The following USP24 variants were observed in gnomAD, a reference collection of about 807,000 sequenced individuals.
USP24 encodes the protein ubiquitin carboxyl-terminal hydrolase 24.
In USP24, 97 loss-of-function variants were observed where a neutral mutation model predicts 361.6. The observed-to-expected ratio is 0.27, with a 90% CI of 0.23 to 0.32. The LOEUF (loss-of-function observed/expected upper bound fraction) is 0.32, where lower values mean the gene tolerates loss of function less well. Ranked by LOEUF, USP24 falls within the 10% of genes least tolerant of loss-of-function variation. The pLI, the probability that USP24 is intolerant of heterozygous loss-of-function variation, is 1.00. For synonymous variants in USP24, 1,098 were observed against 1,124.6 expected (o/e 0.98, Z 0.47); for missense variants, 2,353 against 3,165.6 (o/e 0.74, Z 6.16).
At chr1:55,106,971 A>G (rs1645791360) in intron 40 of USP24, among the ~76,000 whole-genome samples, 1 of 152,200 alleles carries the variant, frequency 6.6e-6, no homozygotes, top group Non-Finnish European at 1.5e-5. Context: ...AGAAAAATCT[A>G]CTTTGAATTA....
chr1:55,079,459 G>A, intron 60 of USP24, 79 bp downstream of exon 60: 1 of 1,513,258 alleles, frequency 6.6e-7, no homozygotes, highest in Non-Finnish European at 8.8e-7. Context: ...TACTCTTCAT[G>A]CCAAACATAA....
At chr1:55,104,158 A>G (rs1645712933) in intron 41 of USP24, 138 bp from the exon 42 acceptor site, 1 of 975,784 alleles carries the variant, frequency 1.0e-6, no homozygotes, top group Non-Finnish European at 1.5e-6. Flanking sequence ...AACCCCAGAC[A>G]TCCAGTAATC....
At chr1:55,204,142 G>A (rs1014388456) in intron 1 of USP24, among the ~76,000 whole-genome samples, 1 of 152,096 alleles carries the variant, frequency 6.6e-6, no homozygotes, top group Non-Finnish European at 1.5e-5. Flanking sequence ...TGTTATTGAT[G>A]CTGGACAGGT....
At chr1:55,212,003 G>A (rs1422197026) in intron 1 of USP24, among the ~76,000 whole-genome samples, 1 of 151,916 alleles carries the variant, frequency 6.6e-6, no homozygotes, top group Non-Finnish European at 1.5e-5. Context: ...CCATTACTGT[G>A]TCCCATTCCT....
chr1:55,111,097 T>C (rs952486997), intron 38 of USP24, among the ~76,000 whole-genome samples: 1 of 152,088 alleles, frequency 6.6e-6, no homozygotes. Context: ...GGTGTATAGT[T>C]GGTCCATGGT....
rs1380744479 is a variant in USP24 at position 55,172,312 on chromosome 1, CAG to C, written c.702+63_702+64del. The C allele has an allele frequency of 3.6e-6, 5 of 1,384,734 alleles. No homozygotes were observed. The Admixed American group carries it at 1.0e-4, about 29-fold the overall frequency. The allele number at this position is 1,384,734 out of a possible 1,614,324, so 85.8% of individuals were successfully genotyped here. On this transcript the variant is annotated intron_variant, in intron 4 of 67. Coordinates refer to ENST00000294383, the MANE Select transcript of USP24 (RefSeq NM_015306.3). ...TTATCACTCATTATTAATTACAAGTCAGAGAACAGCAAGTATTTTAAACAAAA... is the reference window on the plus strand; with the variant it reads ...TTATCACTCATTATTAATTACAAGTCAGAACAGCAAGTATTTTAAACAAAA...
In USP24 at chr1:55,178,118, A is replaced by G; in HGVS notation, c.339T>C (p.Asn113=). 1 of 1,550,820 alleles carries G rather than the reference A, an allele frequency of 6.4e-7. No homozygotes were observed. The highest frequency in any genetic ancestry group is 8.7e-7 in the Non-Finnish European group (1 of 1,146,748). ...EVVDAEKNDE[N]GNCSGEGIEF... ...CAATTCCTTCCCCTGAGCAGTTTCC[A>G]TTCTCATCATTCTTCTGACGAAAAG... The change falls in exon 2 of 68, where the codon AAT becomes AAC. Residue 113 remains asparagine (N), a synonymous_variant. Coordinates refer to ENST00000294383, the MANE Select transcript of USP24 (RefSeq NM_015306.3).
Position 55,068,925 on chromosome 1 carries a change from TC to T in USP24, c.*119del, listed in dbSNP as rs1303707023. The T allele has an allele frequency of 4.6e-6, 5 of 1,084,562 alleles. No individual in the cohort carries two copies. Among genetic ancestry groups the T allele is most frequent in the Non-Finnish European group, 6.9e-6 (5 of 724,558 alleles). 67.2% of individuals were successfully genotyped at this position (1,084,562 alleles called of 1,614,324 possible). A position where few individuals can be genotyped will look rare whatever the true frequency, so the allele number is the denominator to read the frequency against. The stretch of plus-strand genomic sequence containing the variant: ...TTGAGAAATACACGATCCGCCCAAG[TC>T]ACAGCAGCTTTCCCAGTCCAATCTC... On this transcript the variant is annotated 3_prime_UTR_variant, in exon 68 of 68. Transcript: ENST00000294383.
chr1:55,212,046 G>A (rs897093584), intron 1 of USP24, among the ~76,000 whole-genome samples: 11 of 152,124 alleles, frequency 7.2e-5, no homozygotes, highest in Non-Finnish European at 1.0e-4. Flanking sequence ...AAAGAGTGCA[G>A]GACTTCAAGC....
At chr1:55,074,384 T>C (rs759935461) in intron 63 of USP24, among the ~76,000 whole-genome samples, 4 of 152,072 alleles carry the variant, frequency 2.6e-5, no homozygotes, top group Non-Finnish European at 5.9e-5. Context: ...CTGTAATCCC[T>C]GCACTTTGGG....
chr1:55,214,932 C>T lies in USP24; in HGVS notation c.182G>A (p.Gly61Asp). ...GCCCCCGCCGGGCCCGGGGCTGGGG[C>T]CACCGCCGCTGTCCATGGGCTCGTA... The part of the protein sequence containing the change: ...GGYEPMDSGG[G>D]PSPGPGGGPR... Residue 61 changes from glycine (G) to aspartate (D), a missense_variant, in exon 1 of 68, where the codon GGC becomes GAC. Transcript: ENST00000294383. 1.5e-6 allele frequency: 2 copies of T among 1,371,358 alleles called. No homozygotes were observed. The highest frequency in any genetic ancestry group is 1.5e-5 in the African/African-American group (1 of 66,580). 84.9% of individuals were successfully genotyped at this position (1,371,358 alleles called of 1,614,324 possible). A position where few individuals can be genotyped will look rare whatever the true frequency, so the allele number is the denominator to read the frequency against.
chr1:55,164,790 G>A (rs771007093), intron 7 of USP24, among the ~76,000 whole-genome samples: 5 of 151,840 alleles, frequency 3.3e-5, no homozygotes, highest in Admixed American at 6.6e-5. Flanking sequence ...TAGAAATTTG[G>A]GAGTGCTCTG....
chr1:55,161,231 G>A (rs1375299931), intron 8 of USP24, among the ~76,000 whole-genome samples: 1 of 151,904 alleles, frequency 6.6e-6, no homozygotes, highest in Non-Finnish European at 1.5e-5. Context: ...AATTAGCCGG[G>A]CATGGTGGCA....
At position 55,097,825 on chromosome 1, in the gene USP24, T is replaced by G. The variant is rs1479073878; in HGVS notation, c.5596-108A>C. On this transcript the variant is annotated intron_variant, in intron 47 of 67. Coordinates refer to ENST00000294383, the MANE Select transcript of USP24 (RefSeq NM_015306.3). ...CCTTTCTGATCCATGTGAAAACAAG[T>G]AATGACACAATCTAATGGAAATAAC... is the stretch of plus-strand genomic sequence containing the variant. 6 of 1,507,384 alleles carry G rather than the reference T, an allele frequency of 4.0e-6. No individual in the cohort carries two copies. In the East Asian group the frequency reaches 1.4e-4, roughly 34 times the overall value. The allele number at this position is 1,507,384 out of a possible 1,614,324, so 93.4% of individuals were successfully genotyped here.
At position 55,167,747 on chromosome 1, in the gene USP24, T is replaced by C. The variant is rs139200173; in HGVS notation, c.826-1144A>G. On this transcript the variant is annotated intron_variant, in intron 5 of 67. Coordinates refer to ENST00000294383, the MANE Select transcript of USP24 (RefSeq NM_015306.3). ...ATTAAATCAAAGGACTTGTTTATGG[T>C]TTGGTTATTCTTTATTCAAGGAATG... Among the ~76,000 whole-genome samples, 1,006 of 152,100 alleles carry C rather than the reference T, an allele frequency of 6.6e-3. 14 individuals are homozygous for C. Among genetic ancestry groups the C allele is most frequent in the African/African-American group, 0.023 (954 of 41,476 alleles).
intron 38 of USP24, among the ~76,000 whole-genome samples, chr1:55,119,225 T>C (rs1336395607): frequency 6.6e-6 from 1 of 152,224 alleles, no homozygotes; most frequent in Non-Finnish European, 1.5e-5. Context: ...CAATGATATA[T>C]AATTCAGCCC....
intron 4 of USP24, 34 bp from the exon 5 acceptor site, chr1:55,171,712 C>G: frequency 2.5e-6 from 4 of 1,579,230 alleles, no homozygotes; most frequent in Non-Finnish European, 3.5e-6. Context: ...ACATTATTAT[C>G]TATTTCTATA....
At position 55,140,326 on chromosome 1, in the gene USP24, T is replaced by C. The variant is rs1557623542; in HGVS notation, c.2750+1290A>G. 2.6e-5 allele frequency among the ~76,000 whole-genome samples: 4 copies of C among 152,250 alleles called. 1 individual carries two copies. The South Asian group carries it at 8.3e-4, about 32-fold the overall frequency. On this transcript the variant is annotated intron_variant, in intron 24 of 67. Coordinates refer to ENST00000294383, the MANE Select transcript of USP24 (RefSeq NM_015306.3). ...TCGAATTTATCAGATAAATGAACCA[T>C]TAAGGAACTGAGTCATAGAGATGGC...
Position 55,138,723 on chromosome 1 carries a change from A to G in USP24, c.2818-5T>C, listed in dbSNP as rs1200264429. On this transcript the variant is annotated splice_region_variant and splice_polypyrimidine_tract_variant and intron_variant, in intron 25 of 67. Coordinates refer to ENST00000294383, the MANE Select transcript of USP24 (RefSeq NM_015306.3). ...TCGTGGAACAGAGTAAAAATCCTTA[A>G]AAAACGAATAAGTCAAGTCAGATGG... 6.2e-7 allele frequency: 1 copy of G among 1,600,558 alleles called. No homozygotes were observed. Among genetic ancestry groups the G allele is most frequent in the African/African-American group, 1.3e-5 (1 of 74,588 alleles).
Sources: allele counts gnomAD v4.1 joint callset (sites outside exome capture counted in the v4.1 genomes callset), GRCh38; gene constraint gnomAD v4.1.1; transcripts MANE v1.5; gene names NCBI Gene and HGNC (gene_info 2026-07-23, HGNC 2026-07-21).